NOX4: variants seen among roughly 807,000 people sequenced by gnomAD.
NOX4 encodes kidney oxidase-1.
NOX4 carries 69 observed loss-of-function variants against 87.6 expected under a neutral mutation model. The observed-to-expected ratio is 0.79, with a 90% CI of 0.65 to 0.96. NOX4 has a LOEUF of 0.96. Among genes scored for constraint, NOX4 ranks in the 40% least tolerant of loss-of-function variants. NOX4 has a pLI of 0.00. For synonymous variants in NOX4, 275 were observed against 238.2 expected (o/e 1.15, Z -1.42); for missense variants, 680 against 681.5 (o/e 1.00, Z 0.02).
chr11:89,457,026 C>T lies in NOX4; in HGVS notation c.154-5131G>A, dbSNP rs115651285. 6.0e-3 allele frequency among the ~76,000 whole-genome samples: 916 copies of T among 152,204 alleles called. 6 individuals carry two copies. Among genetic ancestry groups the T allele is most frequent in the African/African-American group, 0.02 (844 of 41,534 alleles). ...CAGCCTCTGATGGCCAACCAAGTTG[C>T]TTCCCAGGGGTTATCATCATAGCTC... On this transcript the variant is annotated intron_variant, in intron 2 of 17. Coordinates refer to ENST00000263317, the MANE Select transcript of NOX4 (RefSeq NM_016931.5).
the NOX4 span, among the ~76,000 whole-genome samples, chr11:89,518,870 T>C: frequency 6.6e-6 from 1 of 151,598 alleles, no homozygotes; most frequent in Non-Finnish European, 1.5e-5. Context: ...AATTTAATAA[T>C]TTTCCATTTA....
chr11:89,433,876 A>T (rs1030771207), intron 6 of NOX4, among the ~76,000 whole-genome samples: 1 of 152,106 alleles, frequency 6.6e-6, no homozygotes, highest in African/African-American at 2.4e-5. Context: ...ACTGAAAAAC[A>T]ATATCCTAAA....
In NOX4 at chr11:89,487,661, C is replaced by A. The variant is rs541566455; in HGVS notation, c.153+2797G>T. Reference sequence around the variant, plus strand: ...ATACCTTGACTCTCTTCAGGAATCCCACATGCGTATACCAGTGGGACCAAG... The same window carrying A: ...ATACCTTGACTCTCTTCAGGAATCCAACATGCGTATACCAGTGGGACCAAG... On this transcript the variant is annotated intron_variant, in intron 2 of 17. Transcript: ENST00000263317. Among the ~76,000 whole-genome samples the A allele has an allele frequency of 5.3e-5, 8 of 152,254 alleles. No homozygotes were observed. The South Asian group carries it at 1.7e-3, about 32-fold the overall frequency.
chr11:89,335,887 C>G lies in NOX4; in HGVS notation c.1574G>C (p.Arg525Pro). The part of the protein sequence containing the change: ...LNSRLFIGRP[R>P]WKLLFDEIAK... ...TATTTCATCAAACAAAAGTTTCCAC[C>G]GAGGACGTCCTATAAACAGTCTTGA... The change falls in exon 17 of 18, where the codon CGG (arginine) becomes CCG (proline). Residue 525 changes from arginine (R) to proline (P), a missense_variant. By Grantham distance (103) the Arg-to-Pro change is moderately radical (BLOSUM62 -2). Transcript: ENST00000263317. 6.2e-7 allele frequency: 1 copy of G among 1,600,580 alleles called. No individual in the cohort carries two copies. The highest frequency in any genetic ancestry group is 8.5e-7 in the Non-Finnish European group (1 of 1,173,428).
At chr11:89,397,734 C>T (rs1417044003) in intron 11 of NOX4, among the ~76,000 whole-genome samples, 7 of 151,804 alleles carry the variant, frequency 4.6e-5, no homozygotes, top group East Asian at 1.9e-4. Flanking sequence ...ATAAATTCCT[C>T]GACACATACA....
chr11:89,376,310 G>A (rs1393243055), intron 11 of NOX4, among the ~76,000 whole-genome samples: 5 of 152,188 alleles, frequency 3.3e-5, no homozygotes, highest in African/African-American at 1.2e-4. Context: ...AGTATATGTG[G>A]TTTGAAAACG....
At chr11:89,578,187 G>C in the NOX4 span, among the ~76,000 whole-genome samples, 1 of 147,166 alleles carries the variant, frequency 6.8e-6, no homozygotes, top group Non-Finnish European at 1.5e-5. Flanking sequence ...TTTTGAAACA[G>C]AGTCTCGCTC....
intron 11 of NOX4, among the ~76,000 whole-genome samples, chr11:89,381,333 T>A (rs2135095165): frequency 6.6e-6 from 1 of 152,234 alleles, no homozygotes; most frequent in Admixed American, 6.5e-5. Flanking sequence ...AGCCTGCACG[T>A]ATACATCCAG....
the NOX4 span, chr11:89,546,534 T>C: frequency 6.6e-6 from 1 of 152,224 alleles, no homozygotes; most frequent in African/African-American, 2.4e-5. Flanking sequence ...TCCATTTATA[T>C]AAACTTTTCA....
At chr11:89,496,138 C>T (rs892192495), upstream of NOX4, among the ~76,000 whole-genome samples, 3 of 152,292 alleles carry the variant, frequency 2.0e-5, no homozygotes, top group East Asian at 5.8e-4. Context: ...GGGACAAGTT[C>T]CAGACAGTGA....
chr11:89,500,277 C>T (rs1947002893), upstream of NOX4, among the ~76,000 whole-genome samples: 1 of 152,060 alleles, frequency 6.6e-6, no homozygotes, highest in African/African-American at 2.4e-5. Flanking sequence ...CCTGGAGACC[C>T]TTTTGATTCA....
chr11:89,533,613 G>T, the NOX4 span: 1 of 151,072 alleles, frequency 6.6e-6, no homozygotes, highest in Non-Finnish European at 1.5e-5. Context: ...ATTCTTTTCT[G>T]TTAAGCCTTT....
At chr11:89,351,099 G>A (rs1946437043) in intron 13 of NOX4, among the ~76,000 whole-genome samples, 2 of 152,204 alleles carry the variant, frequency 1.3e-5, no homozygotes, top group South Asian at 4.1e-4. Context: ...AATTTAAAGT[G>A]CTACTTCAGT....
At chr11:89,414,129 T>C (rs1377366598) in intron 8 of NOX4, among the ~76,000 whole-genome samples, 1 of 152,080 alleles carries the variant, frequency 6.6e-6, no homozygotes, top group African/African-American at 2.4e-5. Flanking sequence ...AGATTAGTGA[T>C]CTTCTAGGAA....
At chr11:89,569,072 C>T in the NOX4 span, among the ~76,000 whole-genome samples, 4 of 151,344 alleles carry the variant, frequency 2.6e-5, no homozygotes, top group South Asian at 8.4e-4. Flanking sequence ...ATCTTGAGGG[C>T]TAAAGACTTA....
intron 2 of NOX4, among the ~76,000 whole-genome samples, chr11:89,483,183 T>C (rs1728621762): frequency 6.6e-6 from 1 of 152,112 alleles, no homozygotes; most frequent in South Asian, 2.1e-4. Flanking sequence ...GGCCAAGAAC[T>C]GTGTCTGACA....
chr11:89,486,652 A>T (rs925123192), intron 2 of NOX4, among the ~76,000 whole-genome samples: 1 of 111,736 alleles, frequency 8.9e-6, no homozygotes, highest in Non-Finnish European at 1.8e-5. Flanking sequence ...GTGTGTATAT[A>T]TGTGTATATA....
At chr11:89,343,969 T>A (rs1333385271) in intron 13 of NOX4, among the ~76,000 whole-genome samples, 1 of 151,914 alleles carries the variant, frequency 6.6e-6, no homozygotes, top group Non-Finnish European at 1.5e-5. Flanking sequence ...TATTTACATT[T>A]AAAAAAACTG....
At chr11:89,503,108 G>T (rs1275223381), upstream of NOX4, among the ~76,000 whole-genome samples, 1 of 151,964 alleles carries the variant, frequency 6.6e-6, no homozygotes, top group African/African-American at 2.4e-5. Context: ...AAGAACAACA[G>T]TAGAGTAAGT....
Sources: gnomAD v4.1 joint callset for allele counts (sites outside exome capture counted in the v4.1 genomes callset) on GRCh38, gnomAD v4.1.1 for gene constraint, MANE v1.5 for transcripts, NCBI Gene and HGNC (gene_info 2026-07-23, HGNC 2026-07-21) for gene names.